Variants in FBXL7 observed in about 807,000 individuals in gnomAD.
FBXL7 encodes the protein F-box/LRR-repeat protein 7.
Under a neutral mutation model 38.3 loss-of-function variants are expected in FBXL7, and 12 were observed. The observed-to-expected ratio is 0.31, with a 90% confidence interval of 0.20 to 0.51. The LOEUF (loss-of-function observed/expected upper bound fraction) is 0.51. FBXL7 is among the 20% of genes least tolerant of loss of function. FBXL7 has a pLI of 0.98. For missense variants in FBXL7, 567 were observed against 676.4 expected (o/e 0.84, Z 1.79); for synonymous variants, 297 against 300.9 (o/e 0.99, Z 0.13).
rs7737638 is a variant in FBXL7, at chr5:15,551,283, T to C, written c.37+50570T>C. The stretch of plus-strand genomic sequence containing the variant: ...TTGACCCGGAGCATCTACGTTGCCA[T>C]GGAACTCCTTTACTTTAGCTGTTAG... On this transcript the variant is annotated intron_variant, in intron 1 of 3. Transcript: ENST00000504595. Among the ~76,000 whole-genome samples the C allele has an allele frequency of 3.1e-3, 478 of 152,352 alleles. 3 individuals carry two copies. The highest frequency in any genetic ancestry group is 0.014 in the Middle Eastern group (4 of 294).
At chr5:15,524,855 G>A (rs924792772) in intron 1 of FBXL7, among the ~76,000 whole-genome samples, 9 of 152,152 alleles carry the variant, frequency 5.9e-5, no homozygotes, top group Admixed American at 5.9e-4. Flanking sequence ...CATGCTGAAG[G>A]AACAAGGAGT....
chr5:15,507,311 C>T (rs766500317), intron 1 of FBXL7, among the ~76,000 whole-genome samples: 4 of 152,108 alleles, frequency 2.6e-5, no homozygotes, highest in Non-Finnish European at 5.9e-5. Context: ...CTAACAATAA[C>T]GTCTTTGGTC....
chr5:15,837,287 A>G (rs1194413097), intron 2 of FBXL7, among the ~76,000 whole-genome samples: 1 of 151,544 alleles, frequency 6.6e-6, no homozygotes, highest in Non-Finnish European at 1.5e-5. Context: ...AATACTTTTA[A>G]TTGATCTTTA....
At chr5:15,757,272 T>A (rs987070543) in intron 2 of FBXL7, among the ~76,000 whole-genome samples, 9 of 152,042 alleles carry the variant, frequency 5.9e-5, no homozygotes, top group Non-Finnish European at 8.8e-5. Flanking sequence ...TAGGAATAAC[T>A]CAAAACCAGA....
chr5:15,673,061 TCACGCCTGTAATCC>T (rs781510148), intron 2 of FBXL7, among the ~76,000 whole-genome samples: 4 of 150,910 alleles, frequency 2.7e-5, no homozygotes, highest in South Asian at 4.4e-4. Context: ...GTGCAGTGGC[TCACGCCTGTAATCC>T]CAGGCCGAGG....
intron 1 of FBXL7, among the ~76,000 whole-genome samples, chr5:15,523,595 A>C (rs538140654): frequency 6.6e-6 from 1 of 151,210 alleles, no homozygotes; most frequent in East Asian, 1.9e-4. Context: ...CTTGGAGGTG[A>C]GCAGTCCGGA....
intron 2 of FBXL7, among the ~76,000 whole-genome samples, chr5:15,691,628 T>TC (rs1263330632): frequency 1.3e-5 from 2 of 152,198 alleles, no homozygotes; most frequent in Non-Finnish European, 2.9e-5. Context: ...CCCACTTTTC[T>TC]TCTTTTGAGT....
intron 2 of FBXL7, among the ~76,000 whole-genome samples, chr5:15,645,142 G>A (rs1741490177): frequency 1.3e-5 from 2 of 152,064 alleles, no homozygotes; most frequent in Admixed American, 1.3e-4. Context: ...TTCTCATTAA[G>A]CCAACATGTA....
intron 2 of FBXL7, among the ~76,000 whole-genome samples, chr5:15,772,700 A>G (rs1736759468): frequency 6.6e-6 from 1 of 152,222 alleles, no homozygotes; most frequent in Non-Finnish European, 1.5e-5. Flanking sequence ...GGCCAGGCTC[A>G]ATAAATGATT....
At chr5:15,746,298 G>T (rs77734182) in intron 2 of FBXL7, among the ~76,000 whole-genome samples, 64 of 152,284 alleles carry the variant, frequency 4.2e-4, no homozygotes, top group African/African-American at 1.4e-3. Flanking sequence ...TCGGCAGTTG[G>T]ATATTTGAGC....
intron 2 of FBXL7, among the ~76,000 whole-genome samples, chr5:15,772,785 T>C (rs535028175): frequency 6.6e-6 from 1 of 152,338 alleles, no homozygotes; most frequent in South Asian, 2.1e-4. Flanking sequence ...ATTATATCCC[T>C]TTTTATTTCC....
chr5:15,730,653 A>G (rs1579414882), intron 2 of FBXL7, among the ~76,000 whole-genome samples: 1 of 152,344 alleles, frequency 6.6e-6, no homozygotes, highest in East Asian at 1.9e-4. Context: ...ATATAATCAT[A>G]TCATTGTATG....
chr5:15,643,313 T>G (rs1741427563), intron 2 of FBXL7, among the ~76,000 whole-genome samples: 1 of 152,224 alleles, frequency 6.6e-6, no homozygotes. Context: ...TGCGCATGCA[T>G]TCTGGTATTT....
intron 1 of FBXL7, among the ~76,000 whole-genome samples, chr5:15,611,247 T>C (rs1740223343): frequency 6.6e-6 from 1 of 151,902 alleles, no homozygotes; most frequent in Non-Finnish European, 1.5e-5. Flanking sequence ...AAGGTGACAC[T>C]CTGCCTTCCT....
chr5:15,828,570 G>T (rs558587095), intron 2 of FBXL7, among the ~76,000 whole-genome samples: 2 of 152,260 alleles, frequency 1.3e-5, no homozygotes, highest in East Asian at 3.9e-4. Flanking sequence ...TCTATTAATT[G>T]AACACCTTCT....
At chr5:15,794,744 T>A (rs1737370678) in intron 2 of FBXL7, among the ~76,000 whole-genome samples, 1 of 152,144 alleles carries the variant, frequency 6.6e-6, no homozygotes, top group Non-Finnish European at 1.5e-5. Context: ...TAACCAGTGA[T>A]CACACAATTG....
At chr5:15,737,293 G>A (rs774706661) in intron 2 of FBXL7, among the ~76,000 whole-genome samples, 22 of 152,226 alleles carry the variant, frequency 1.4e-4, no homozygotes, top group African/African-American at 4.1e-4. Flanking sequence ...CCTTGAAAGC[G>A]TGCAGCATGG....
intron 3 of FBXL7, among the ~76,000 whole-genome samples, chr5:15,929,108 G>A (rs184741381): frequency 4.3e-4 from 65 of 152,282 alleles, no homozygotes; most frequent in Non-Finnish European, 6.6e-4. Context: ...AAATGACCTC[G>A]TGTGTTTTCG....
intron 2 of FBXL7, among the ~76,000 whole-genome samples, chr5:15,777,575 C>T (rs1406716867): frequency 1.3e-5 from 2 of 151,560 alleles, no homozygotes; most frequent in East Asian, 3.9e-4. Context: ...AAATATTATC[C>T]ACATGGCGCA....
Sources: gnomAD v4.1 joint callset for allele counts (sites outside exome capture counted in the v4.1 genomes callset) on GRCh38, gnomAD v4.1.1 for gene constraint, MANE v1.5 for transcripts, NCBI Gene and HGNC (gene_info 2026-07-23, HGNC 2026-07-21) for gene names.